The following FRMD3 variants were observed in gnomAD, a reference collection of about 807,000 sequenced individuals.
The protein encoded by FRMD3 is FERM domain containing 3, also known as FERM domain-containing protein 3.
FRMD3 carries 33 observed loss-of-function variants against 70.2 expected under a neutral mutation model. That is an observed-to-expected ratio of 0.47 (90% CI 0.36 to 0.63). The LOEUF (loss-of-function observed/expected upper bound fraction) is 0.63, where lower values mean the gene tolerates loss of function less well. FRMD3 is among the 20% of genes least tolerant of loss of function. The probability of loss-of-function intolerance (pLI) is 0.00; values close to 1 mark genes in which losing one functional copy is unlikely to be tolerated. For missense variants in FRMD3, 632 were observed against 711.4 expected, an observed-to-expected ratio of 0.89 and a Z score of 1.27; for synonymous variants, 279 against 255.9, an observed-to-expected ratio of 1.09 and a Z score of -0.86.
At chr9:83,375,515 T>C (rs952356955) in intron 2 of FRMD3, among the ~76,000 whole-genome samples, 1 of 152,170 alleles carries the variant, frequency 6.6e-6, no homozygotes, top group Non-Finnish European at 1.5e-5. Flanking sequence ...CTAGGAAAAA[T>C]AAGCCAGCAA....
At chr9:83,280,692 A>C (rs1033024073) in intron 13 of FRMD3, among the ~76,000 whole-genome samples, 1 of 152,242 alleles carries the variant, frequency 6.6e-6, no homozygotes, top group African/African-American at 2.4e-5. Flanking sequence ...AAATAATTGC[A>C]TATTTATTTA....
intron 1 of FRMD3, among the ~76,000 whole-genome samples, chr9:83,527,443 C>T (rs1201060108): frequency 1.3e-5 from 2 of 152,106 alleles, no homozygotes; most frequent in Non-Finnish European, 2.9e-5. Context: ...CATTGAACAT[C>T]TACTCAAAGA....
intron 1 of FRMD3, among the ~76,000 whole-genome samples, chr9:83,428,636 G>A (rs567926760): frequency 5.3e-4 from 81 of 152,228 alleles, no homozygotes; most frequent in African/African-American, 1.9e-3. Context: ...ATTAAGGCAT[G>A]TGCTGGGTGT....
chr9:83,306,504 G>A (rs1459427139), intron 10 of FRMD3, among the ~76,000 whole-genome samples: 1 of 152,168 alleles, frequency 6.6e-6, no homozygotes, highest in Non-Finnish European at 1.5e-5. Flanking sequence ...ACGGGAGCTT[G>A]GATGTCCTTC....
the FRMD3 span, among the ~76,000 whole-genome samples, chr9:83,568,909 T>C: frequency 6.7e-6 from 1 of 148,896 alleles, no homozygotes; most frequent in Non-Finnish European, 1.5e-5. Context: ...AACTACAACT[T>C]GTTAGAAAAG....
At chr9:83,339,185 C>A (rs1823676111) in intron 5 of FRMD3, among the ~76,000 whole-genome samples, 1 of 152,184 alleles carries the variant, frequency 6.6e-6, no homozygotes, top group South Asian at 2.1e-4. Flanking sequence ...AGAAGAAATG[C>A]TGTGAAGACT....
In FRMD3 at chr9:83,251,437, G is replaced by GA. The variant is rs202185933; in HGVS notation, c.1196-2922dup. On this transcript the variant is annotated intron_variant, in intron 13 of 13. Coordinates refer to ENST00000304195, the MANE Select transcript of FRMD3 (RefSeq NM_174938.6). ...AATCAATGCAAAAACACTGAAAACT[G>GA]AAAAAACCATAATGCCTCTTCTCAT... Among the ~76,000 whole-genome samples, 1,189 of 152,240 alleles carry GA rather than the reference G, an allele frequency of 7.8e-3. 9 individuals carry two copies. The highest frequency in any genetic ancestry group is 0.027 in the African/African-American group (1,124 of 41,540).
intron 1 of FRMD3, among the ~76,000 whole-genome samples, chr9:83,410,253 G>A (rs775736762): frequency 6.6e-6 from 1 of 152,084 alleles, no homozygotes; most frequent in Non-Finnish European, 1.5e-5. Context: ...CATCACCCAG[G>A]TACTGAGTAT....
intron 1 of FRMD3, among the ~76,000 whole-genome samples, chr9:83,449,452 T>C (rs1240238379): frequency 1.3e-5 from 2 of 152,202 alleles, no homozygotes; most frequent in African/African-American, 2.4e-5. Flanking sequence ...ATGGGGTTTA[T>C]TGTATTTACA....
chr9:83,572,743 G>C, the FRMD3 span, among the ~76,000 whole-genome samples: 22 of 152,198 alleles, frequency 1.4e-4, no homozygotes, highest in Non-Finnish European at 3.2e-4. Context: ...AGTAAGAGCA[G>C]AGTTGGATTT....
intron 13 of FRMD3, among the ~76,000 whole-genome samples, chr9:83,287,362 C>G (rs1317198169): frequency 1.3e-5 from 2 of 152,192 alleles, no homozygotes; most frequent in African/African-American, 4.8e-5. Flanking sequence ...CTGTCTAGCT[C>G]AAGAGGTCAG....
At chr9:83,475,566 A>C (rs1828376617) in intron 1 of FRMD3, among the ~76,000 whole-genome samples, 1 of 152,214 alleles carries the variant, frequency 6.6e-6, no homozygotes, top group South Asian at 2.1e-4. Flanking sequence ...GTTGTTTTAA[A>C]GTAACTAAGC....
At chr9:83,573,077 A>G in the FRMD3 span, among the ~76,000 whole-genome samples, 1 of 151,262 alleles carries the variant, frequency 6.6e-6, no homozygotes, top group Non-Finnish European at 1.5e-5. Flanking sequence ...GATGACTGAA[A>G]AGAGTTTTAT....
At chr9:83,287,789 G>A (rs1295614266) in intron 13 of FRMD3, among the ~76,000 whole-genome samples, 1 of 152,188 alleles carries the variant, frequency 6.6e-6, no homozygotes, top group African/African-American at 2.4e-5. Context: ...ATATCCAGTA[G>A]GGCACACAGA....
chr9:83,363,834 G>A (rs374304062), intron 3 of FRMD3, among the ~76,000 whole-genome samples: 9 of 152,174 alleles, frequency 5.9e-5, no homozygotes, highest in Admixed American at 1.3e-4. Context: ...GATTACAGGC[G>A]TGAGTCACTG....
At chr9:83,492,874 A>G (rs1044510403) in intron 1 of FRMD3, among the ~76,000 whole-genome samples, 4 of 152,178 alleles carry the variant, frequency 2.6e-5, no homozygotes, top group African/African-American at 9.7e-5. Context: ...GCTCGTCCTC[A>G]TAGCTCTCCC....
At chr9:83,299,284 AG>A (rs1834807458) in intron 10 of FRMD3, 98 bp from the exon 11 acceptor site, 1 of 705,244 alleles carries the variant, frequency 1.4e-6, no homozygotes, top group African/African-American at 1.8e-5. Flanking sequence ...ACTGCAAGAA[AG>A]AAATGTAATT....
the FRMD3 span, among the ~76,000 whole-genome samples, chr9:83,568,337 C>G: frequency 1.3e-5 from 2 of 152,080 alleles, no homozygotes; most frequent in Non-Finnish European, 2.9e-5. Context: ...CACAGACAAA[C>G]CATTTCAAGG....
chr9:83,565,958 C>A, the FRMD3 span, among the ~76,000 whole-genome samples: 1 of 152,082 alleles, frequency 6.6e-6, no homozygotes, highest in African/African-American at 2.4e-5. Context: ...AAGTTGGGTG[C>A]TAAAGTATGA....
Sources: allele counts gnomAD v4.1 joint callset (sites outside exome capture counted in the v4.1 genomes callset), GRCh38; gene constraint gnomAD v4.1.1; transcripts MANE v1.5; gene names NCBI Gene and HGNC (gene_info 2026-07-23, HGNC 2026-07-21).